NANS: variants seen among roughly 807,000 people sequenced by gnomAD.
NANS encodes N-acetylneuraminate synthase.
A neutral mutation model predicts 33.3 loss-of-function variants in NANS; 29 were observed. That is an observed-to-expected ratio of 0.87 (90% CI 0.65 to 1.19). NANS has a LOEUF of 1.19. NANS is among the 50% of genes most tolerant of loss of function. NANS has a pLI of 0.00. For missense variants in NANS, 394 were observed against 461.1 expected (o/e 0.85, Z 1.33); for synonymous variants, 163 against 177.2 (o/e 0.92, Z 0.64).
chr9:98,060,645 TG>T (rs35337194), intron 1 of NANS, 136 bp from the exon 2 acceptor site: 24 of 840,868 alleles, frequency 2.9e-5, no homozygotes, highest in Non-Finnish European at 4.3e-5. Flanking sequence ...CACTCCAGCC[TG>T]GGTGAAAGAG....
chr9:98,071,307 G>A (rs1829329954), intron 2 of NANS, among the ~76,000 whole-genome samples: 1 of 152,222 alleles, frequency 6.6e-6, no homozygotes, highest in South Asian at 2.1e-4. Context: ...ACCCTGCTGT[G>A]TGGCCCATAC....
rs1829608816 is a variant in NANS, at chr9:98,076,738, A to C, written c.349-180A>C. The C allele has an allele frequency of 1.0e-5, 6 of 582,968 alleles. No individual in the cohort carries two copies. In the South Asian group the frequency reaches 1.3e-4, roughly 13 times the overall value. 36.1% of individuals were successfully genotyped at this position (582,968 alleles called of 1,614,324 possible). On this transcript the variant is annotated intron_variant, in intron 2 of 5. Coordinates refer to ENST00000210444, the MANE Select transcript of NANS (RefSeq NM_018946.4). ...TGGGCTAATGGATGGGTGGATGCAA[A>C]TGAATGTTTGCATTTGAATGAAATG...
chr9:98,068,924 A>T (rs191418019), intron 2 of NANS, among the ~76,000 whole-genome samples: 1 of 152,178 alleles, frequency 6.6e-6, no homozygotes, highest in Non-Finnish European at 1.5e-5. Flanking sequence ...GAATGATCCA[A>T]TCACTCTAGA....
Position 98,076,967 on chromosome 9 carries a change from G to A in NANS, c.398G>A (p.Gly133Glu). The A allele has an allele frequency of 6.2e-7, 1 of 1,611,182 alleles. No homozygotes were observed. Among genetic ancestry groups the A allele is most frequent in the Non-Finnish European group, 8.5e-7 (1 of 1,179,168 alleles). The change falls in exon 3 of 6, where the codon GGA (glycine) becomes GAA (glutamate). Residue 133 changes from glycine to glutamate, a missense_variant. Physicochemically the swap from Gly to Glu is moderately conservative, Grantham distance 98. Transcript: ENST00000210444. ...CTGAATGTTCCATTTTTCAAAGTTG[G>A]ATCTGGAGACACTAATAATTTTCCT... is the stretch of plus-strand genomic sequence containing the variant. ...HELNVPFFKV[G>E]SGDTNNFPYL...
chr9:98,082,610 C>T (rs1829924487), intron 5 of NANS, among the ~76,000 whole-genome samples: 1 of 152,240 alleles, frequency 6.6e-6, no homozygotes, highest in Non-Finnish European at 1.5e-5. Context: ...TACATAGCCT[C>T]AGCCCTTTCC....
At position 98,078,425 on chromosome 9, in the gene NANS, T is replaced by TAACA. The variant is rs1829691873; in HGVS notation, c.603+83_603+86dup. On this transcript the variant is annotated intron_variant, in intron 4 of 5. Coordinates refer to ENST00000210444, the MANE Select transcript of NANS (RefSeq NM_018946.4). ...GTAGTCTTTTTTATAACCAAAATTCTAACAAACATGGCATACTTTATAATT... is the reference window on the plus strand; with the variant it reads ...GTAGTCTTTTTTATAACCAAAATTCTAACAAACAAACATGGCATACTTTATAATT... 8 of 1,492,862 alleles carry TAACA rather than the reference T, an allele frequency of 5.4e-6. No individual in the cohort carries two copies. The South Asian group carries it at 8.7e-5, about 16-fold the overall frequency. 92.5% of individuals were successfully genotyped at this position (1,492,862 alleles called of 1,614,324 possible).
intron 2 of NANS, chr9:98,074,612 C>T (rs1829499443): frequency 2.0e-5 from 3 of 152,198 alleles, no homozygotes; most frequent in Admixed American, 2.0e-4. Flanking sequence ...GCGCCCCTTC[C>T]CTTTCCAGCA....
intron 2 of NANS, among the ~76,000 whole-genome samples, chr9:98,069,938 A>G (rs1829263065): frequency 6.6e-6 from 1 of 152,174 alleles, no homozygotes; most frequent in African/African-American, 2.4e-5. Flanking sequence ...AGATTGGTTG[A>G]CTTTGTCAAT....
chr9:98,072,162 C>T (rs893316987), intron 2 of NANS, among the ~76,000 whole-genome samples: 1 of 152,140 alleles, frequency 6.6e-6, no homozygotes, highest in African/African-American at 2.4e-5. Context: ...CGCAGTGGCC[C>T]CCGTCTGTAA....
intron 2 of NANS, among the ~76,000 whole-genome samples, chr9:98,068,342 G>C (rs1368649581): frequency 6.6e-6 from 1 of 151,824 alleles, no homozygotes; most frequent in Non-Finnish European, 1.5e-5. Flanking sequence ...GTTTCACCTT[G>C]TTGGTCAGGC....
rs1305041037 is a variant in NANS at position 98,056,771 on chromosome 9, C to T, written c.-38C>T. On this transcript the variant is annotated 5_prime_UTR_variant, in exon 1 of 6. Coordinates refer to ENST00000210444, the MANE Select transcript of NANS (RefSeq NM_018946.4). ...AGGCGGCGGCGGCGGCGGCCGGACC[C>T]AGACTGGTAGTGAGGCTTTGGACCC... 1.2e-6 allele frequency: 2 copies of T among 1,604,040 alleles called. No homozygotes were observed. Among genetic ancestry groups the T allele is most frequent in the Non-Finnish European group, 1.7e-6 (2 of 1,177,278 alleles).
At chr9:98,066,361 T>A (rs897744761) in intron 2 of NANS, among the ~76,000 whole-genome samples, 11 of 152,266 alleles carry the variant, frequency 7.2e-5, no homozygotes, top group African/African-American at 2.6e-4. Flanking sequence ...CACAAGTATA[T>A]AGTGGAGTTT....
chr9:98,081,174 G>A (rs777020238), intron 5 of NANS, 92 bp downstream of exon 5: 1 of 1,522,960 alleles, frequency 6.6e-7, no homozygotes, highest in South Asian at 1.2e-5. Context: ...AGCCCTCCCT[G>A]AGCCAGGCTG....
Position 98,080,990 on chromosome 9 carries a change from G to A in NANS, c.778G>A (p.Ala260Thr), listed in dbSNP as rs761100603. The A allele has an allele frequency of 1.2e-5, 19 of 1,614,080 alleles. No homozygotes were observed. The East Asian group carries it at 4.0e-4, about 34-fold the overall frequency. The change falls in exon 5 of 6, where the codon GCC becomes ACC. Residue 260 changes from alanine to threonine, a missense_variant. Ala to Thr is a moderately conservative substitution (Grantham distance 58, BLOSUM62 0). Transcript: ENST00000210444. Reference protein sequence around the residue: ...HSASLEPGELAELVRSVRLVE... With the variant: ...HSASLEPGELTELVRSVRLVE... ...GGCCTCGCTGGAGCCTGGAGAACTG[G>A]CCGAGCTGGTGCGGTCAGTGCGTCT...
Position 98,080,927 on chromosome 9 carries a change from A to G in NANS, c.715A>G (p.Ile239Val), listed in dbSNP as rs1258323750. 7 of 1,614,096 alleles carry G rather than the reference A, an allele frequency of 4.3e-6. No homozygotes were observed. The South Asian group carries it at 4.4e-5, about 10-fold the overall frequency. The change falls in exon 5 of 6, where the codon ATA becomes GTA. Residue 239 changes from isoleucine (I) to valine (V), a missense_variant. Coordinates refer to ENST00000210444, the MANE Select transcript of NANS (RefSeq NM_018946.4). Reference sequence around the variant, plus strand: ...GGGGGCCAAGGTGTTGGAACGTCACATAACTTTGGACAAGACCTGGAAGGG... The same window carrying G: ...GGGGGCCAAGGTGTTGGAACGTCACGTAACTTTGGACAAGACCTGGAAGGG... The part of the protein sequence containing the change: ...ALGAKVLERH[I>V]TLDKTWKGSD...
At chr9:98,081,706 A>T (rs1453803806) in intron 5 of NANS, 1 of 152,414 alleles carries the variant, frequency 6.6e-6, no homozygotes, top group Admixed American at 6.5e-5. Context: ...AGAGCCAGGC[A>T]GGCATCCTGG....
In NANS at chr9:98,082,891, A is replaced by T; in HGVS notation, c.916A>T (p.Ile306Phe). 6.2e-7 allele frequency: 1 copy of T among 1,614,220 alleles called. No individual in the cohort carries two copies. The highest frequency in any genetic ancestry group is 1.7e-5 in the Admixed American group (1 of 60,024). ...CAAAGTGAAAATTCCGGAAGGCACC[A>T]TTCTAACAATGGACATGCTCACCGT... ...VAKVKIPEGT[I>F]LTMDMLTVKV... Residue 306 changes from isoleucine (I) to phenylalanine (F), a missense_variant, in exon 6 of 6, where the codon ATT becomes TTT. Transcript: ENST00000210444.
chr9:98,082,774 T>G, intron 5 of NANS, 72 bp from the exon 6 acceptor site: 1 of 1,441,226 alleles, frequency 6.9e-7, no homozygotes, highest in Non-Finnish European at 9.5e-7. Context: ...TCAGGGACCT[T>G]GAGTGTAAAG....
At position 98,073,204 on chromosome 9, in the gene NANS, T is replaced by C. The variant is rs114682114; in HGVS notation, c.349-3714T>C. On this transcript the variant is annotated intron_variant, in intron 2 of 5. Transcript: ENST00000210444. ...CTCTGACAGGCTGCTGCCCTGAGGC[T>C]GGCCCAGCCTATTTGTGGCTACACC... 6.4e-3 allele frequency among the ~76,000 whole-genome samples: 954 copies of C among 148,520 alleles called. 6 individuals are homozygous for C. Among genetic ancestry groups the C allele is most frequent in the African/African-American group, 0.022 (902 of 40,712 alleles).
Sources: gnomAD v4.1 joint callset for allele counts (sites outside exome capture counted in the v4.1 genomes callset) on GRCh38, gnomAD v4.1.1 for gene constraint, MANE v1.5 for transcripts, NCBI Gene and HGNC (gene_info 2026-07-23, HGNC 2026-07-21) for gene names.